The following EIF4EBP2 variants were observed in gnomAD, a reference collection of about 807,000 sequenced individuals.
EIF4EBP2 encodes eukaryotic translation initiation factor 4E binding protein 2.
A neutral mutation model predicts 10.3 loss-of-function variants in EIF4EBP2; 5 were observed. The ratio of observed to expected loss-of-function variants is 0.48; its 90% CI spans 0.25 to 1.02. The LOEUF is 1.02. EIF4EBP2 is among the 50% of genes least tolerant of loss of function. The probability of loss-of-function intolerance (pLI) is 0.15; values close to 1 mark genes in which losing one functional copy is unlikely to be tolerated. For missense variants in EIF4EBP2, 188 were observed against 162.2 expected (o/e 1.16, Z -0.86); for synonymous variants, 67 against 61.1 (o/e 1.10, Z -0.45).
intron 1 of EIF4EBP2, among the ~76,000 whole-genome samples, chr10:70,413,676 A>G (rs1845066020): frequency 1.3e-5 from 2 of 151,614 alleles, no homozygotes; most frequent in Non-Finnish European, 2.9e-5. Flanking sequence ...TTAACTGTTA[A>G]TTCTTCTATG....
chr10:70,407,755 C>T (rs1429287433), intron 1 of EIF4EBP2, among the ~76,000 whole-genome samples: 11 of 127,122 alleles, frequency 8.7e-5, no homozygotes, highest in South Asian at 2.7e-4. Context: ...CCCTCCCAGA[C>T]GGGGCGGCTG....
In EIF4EBP2 at chr10:70,412,388, C is replaced by T. The variant is rs373852067; in HGVS notation, c.146-7526C>T. Among the ~76,000 whole-genome samples, 45 of 43,080 alleles carry T rather than the reference C, an allele frequency of 1.0e-3. 2 individuals carry two copies. In the East Asian group the frequency reaches 0.018, roughly 17 times the overall value. The allele number at this position is 43,080 out of a possible 152,430, so 28.3% of individuals were successfully genotyped here. ...TTAGTTAAACAGAATTTTATGATGG[C>T]GGCCGGGGGGTGGGGGTGGGGGCTC... On this transcript the variant is annotated intron_variant, in intron 1 of 2. Coordinates refer to ENST00000373218, the MANE Select transcript of EIF4EBP2 (RefSeq NM_004096.5).
At chr10:70,413,389 G>C (rs1027652760) in intron 1 of EIF4EBP2, among the ~76,000 whole-genome samples, 5 of 152,074 alleles carry the variant, frequency 3.3e-5, no homozygotes, top group African/African-American at 1.2e-4. Context: ...ACTTTGTGAG[G>C]CCAAGGCAGG....
chr10:70,411,818 T>C (rs1845049241), intron 1 of EIF4EBP2, among the ~76,000 whole-genome samples: 1 of 152,222 alleles, frequency 6.6e-6, no homozygotes, highest in Admixed American at 6.5e-5. Context: ...AGTTGTTATA[T>C]ACACCCTTCT....
At chr10:70,416,783 G>A (rs1845100994) in intron 1 of EIF4EBP2, among the ~76,000 whole-genome samples, 1 of 150,776 alleles carries the variant, frequency 6.6e-6, no homozygotes, top group Middle Eastern at 3.4e-3. Flanking sequence ...TCCCACCTCA[G>A]CCTCCCCAGC....
At chr10:70,407,646 G>T (rs1228241070) in intron 1 of EIF4EBP2, among the ~76,000 whole-genome samples, 2 of 152,000 alleles carry the variant, frequency 1.3e-5, no homozygotes, top group African/African-American at 4.8e-5. Context: ...TCCCAGATGG[G>T]GTGGTGGCCG....
intron 2 of EIF4EBP2, among the ~76,000 whole-genome samples, chr10:70,420,344 C>T (rs907254127): frequency 9.9e-5 from 15 of 152,132 alleles, no homozygotes; most frequent in African/African-American, 3.1e-4. Context: ...GGATTACAGG[C>T]GCCTGCCACC....
intron 1 of EIF4EBP2, among the ~76,000 whole-genome samples, chr10:70,405,266 C>G (rs1355690435): frequency 2.0e-5 from 3 of 152,146 alleles, no homozygotes; most frequent in Non-Finnish European, 4.4e-5. Context: ...ATTGAAGGAC[C>G]TTTGTCAAGG....
rs760547705 is a variant in EIF4EBP2 at position 70,422,631 on chromosome 10, T to G, written c.*884T>G. Reference sequence around the variant, plus strand: ...CCTAGAGCAGGTCCATACCAAGTAATAGAGGCACTTTAGCTTCCACTTGGT... The same window carrying G: ...CCTAGAGCAGGTCCATACCAAGTAAGAGAGGCACTTTAGCTTCCACTTGGT... On this transcript the variant is annotated 3_prime_UTR_variant, in exon 3 of 3. Coordinates refer to ENST00000373218, the MANE Select transcript of EIF4EBP2 (RefSeq NM_004096.5). 2.6e-5 allele frequency: 4 copies of G among 152,152 alleles called. No homozygotes were observed. The South Asian group carries it at 8.3e-4, about 32-fold the overall frequency. 9.4% of individuals were successfully genotyped at this position (152,152 alleles called of 1,614,324 possible). A position where few individuals can be genotyped will look rare whatever the true frequency, so the allele number is the denominator to read the frequency against.
Position 70,404,521 on chromosome 10 carries a change from G to T in EIF4EBP2, c.120G>T (p.Gly40=). 6 of 1,588,746 alleles carry T rather than the reference G, an allele frequency of 3.8e-6. No homozygotes were observed. Among genetic ancestry groups the T allele is most frequent in the Admixed American group, 1.7e-5 (1 of 58,284 alleles). ...ATGACTATTGCACCACGCCCGGGGG[G>T]ACGCTCTTCTCCACCACACCGGGAG... is the stretch of plus-strand genomic sequence containing the variant. The part of the protein sequence containing the change: ...LPHDYCTTPG[G]TLFSTTPGGT... The change falls in exon 1 of 3, where the codon GGG becomes GGT. Residue 40 remains glycine (G), a synonymous_variant. Transcript: ENST00000373218.
intron 1 of EIF4EBP2, among the ~76,000 whole-genome samples, chr10:70,413,727 G>A (rs1845066448): frequency 6.6e-6 from 1 of 151,644 alleles, no homozygotes. Flanking sequence ...AAATCAAACA[G>A]CATATACAAT....
At chr10:70,404,739 C>T (rs1216244773) in intron 1 of EIF4EBP2, among the ~76,000 whole-genome samples, 193 bp downstream of exon 1, 3 of 152,208 alleles carry the variant, frequency 2.0e-5, no homozygotes, top group Admixed American at 2.0e-4. Flanking sequence ...CGAGTCGGCG[C>T]GCGCCCCACT....
At chr10:70,406,978 A>T (rs1015834257) in intron 1 of EIF4EBP2, among the ~76,000 whole-genome samples, 1 of 152,130 alleles carries the variant, frequency 6.6e-6, no homozygotes, top group Non-Finnish European at 1.5e-5. Flanking sequence ...GCTCACTGCA[A>T]GCTCTGCCTC....
chr10:70,418,895 A>G (rs1015407584), intron 1 of EIF4EBP2, among the ~76,000 whole-genome samples: 5 of 152,216 alleles, frequency 3.3e-5, no homozygotes, highest in African/African-American at 9.7e-5. Context: ...AGCTCACTGT[A>G]GCCTCGAACT....
intron 1 of EIF4EBP2, among the ~76,000 whole-genome samples, chr10:70,417,370 G>A (rs962596952): frequency 6.6e-5 from 10 of 152,074 alleles, no homozygotes; most frequent in African/African-American, 2.4e-4. Context: ...GCATCTAAGG[G>A]GTTGGGGGAG....
At chr10:70,413,106 C>T (rs1185592135) in intron 1 of EIF4EBP2, among the ~76,000 whole-genome samples, 1 of 152,204 alleles carries the variant, frequency 6.6e-6, no homozygotes, top group Non-Finnish European at 1.5e-5. Context: ...GATGAGGAAT[C>T]TAAGATACTT....
intron 1 of EIF4EBP2, among the ~76,000 whole-genome samples, chr10:70,409,963 G>A (rs1450982272): frequency 6.6e-6 from 1 of 152,074 alleles, no homozygotes; most frequent in African/African-American, 2.4e-5. Flanking sequence ...GTCATTGGAT[G>A]GGTTTGGAAA....
At chr10:70,411,669 G>A (rs1362155284) in intron 1 of EIF4EBP2, among the ~76,000 whole-genome samples, 1 of 151,960 alleles carries the variant, frequency 6.6e-6, no homozygotes, top group Non-Finnish European at 1.5e-5. Context: ...TTCCCAAGCT[G>A]GTCTTAAACT....
intron 1 of EIF4EBP2, among the ~76,000 whole-genome samples, chr10:70,413,609 C>CAAAAAAAA (rs57681671): frequency 1.3e-4 from 13 of 97,320 alleles, no homozygotes; most frequent in Non-Finnish European, 1.6e-4. Flanking sequence ...CCCTGACTCT[C>CAAAAAAAA]AAAAAAAAAA....
Sources: gnomAD v4.1 joint callset for allele counts (sites outside exome capture counted in the v4.1 genomes callset) on GRCh38, gnomAD v4.1.1 for gene constraint, MANE v1.5 for transcripts, NCBI Gene and HGNC (gene_info 2026-07-23, HGNC 2026-07-21) for gene names.